LAYN: variants seen among roughly 807,000 people sequenced by gnomAD.
LAYN encodes layilin.
A neutral mutation model predicts 43.6 loss-of-function variants in LAYN; 38 were observed. The observed-to-expected ratio is 0.87, with a 90% CI of 0.67 to 1.14. The LOEUF is 1.14. Among genes scored for constraint, LAYN ranks in the 50% most tolerant of loss-of-function variants. The pLI is 0.00. For missense variants in LAYN, 479 were observed against 463.8 expected, an observed-to-expected ratio of 1.03 and a Z score of -0.30; for synonymous variants, 168 against 172.9, an observed-to-expected ratio of 0.97 and a Z score of 0.22.
upstream of LAYN, chr11:111,540,650 C>A (rs1343667125): frequency 2.0e-5 from 11 of 541,440 alleles, no homozygotes; most frequent in Non-Finnish European, 3.5e-5. Flanking sequence ...GCGGGGCTGC[C>A]CTCCTCGCAG....
At chr11:111,552,652 A>C (rs1867764285) in intron 3 of LAYN, among the ~76,000 whole-genome samples, 1 of 152,246 alleles carries the variant, frequency 6.6e-6, no homozygotes, top group Non-Finnish European at 1.5e-5. Context: ...GAAATGCTGC[A>C]ATGATGTGCC....
At position 111,555,265 on chromosome 11, in the gene LAYN, CA is replaced by C; in HGVS notation, c.640del (p.Thr214HisfsTer10). 1 of 1,612,880 alleles carries C rather than the reference CA, an allele frequency of 6.2e-7. No individual in the cohort carries two copies. Among genetic ancestry groups the C allele is most frequent in the South Asian group, 1.1e-5 (1 of 90,996 alleles). On this transcript the variant is annotated frameshift_variant, in exon 5 of 7. Transcript: ENST00000375614. LOFTEE classifies it high-confidence loss of function. ...LPEETQEEDAKKTFKESREAA... is the reference protein window; with the variant it reads ...LPEETQEEDAXKTFKESREAA... ...CAGAAGAAACACAGGAAGAAGATGC[CA>C]AAAAAACATTTAAAGAAAGTAGAGG...
chr11:111,554,490 C>T (rs1211188016), intron 3 of LAYN, 71 bp from the exon 4 acceptor site: 5 of 1,146,128 alleles, frequency 4.4e-6, no homozygotes, highest in Non-Finnish European at 6.5e-6. Flanking sequence ...TGCCATGAGG[C>T]TGTGGTTGAT....
intron 3 of LAYN, among the ~76,000 whole-genome samples, chr11:111,552,482 T>C (rs1867761222): frequency 6.6e-6 from 1 of 152,218 alleles, no homozygotes; most frequent in Non-Finnish European, 1.5e-5. Context: ...AATGATAATA[T>C]GTAAAACTAG....
chr11:111,557,921 C>T (rs1267333242), intron 6 of LAYN, among the ~76,000 whole-genome samples: 2 of 152,220 alleles, frequency 1.3e-5, no homozygotes, highest in Admixed American at 1.3e-4. Flanking sequence ...CCCGTGCACT[C>T]ACACGTCACC....
intron 3 of LAYN, among the ~76,000 whole-genome samples, chr11:111,553,356 G>A (rs1591568917): frequency 6.6e-6 from 1 of 152,148 alleles, no homozygotes; most frequent in East Asian, 1.9e-4. Context: ...GCTCACGCCT[G>A]TAATCCCAGC....
intron 3 of LAYN, among the ~76,000 whole-genome samples, chr11:111,550,178 A>G (rs1450411423): frequency 1.3e-5 from 2 of 152,142 alleles, no homozygotes; most frequent in African/African-American, 4.8e-5. Flanking sequence ...CAGTGAGATT[A>G]TTTTCTGGGG....
chr11:111,543,833 C>T, intron 1 of LAYN, 90 bp from the exon 2 acceptor site: 2 of 1,318,258 alleles, frequency 1.5e-6, no homozygotes, highest in Non-Finnish European at 2.1e-6. Flanking sequence ...AATTCCTACC[C>T]AGGGATACCT....
intron 3 of LAYN, among the ~76,000 whole-genome samples, chr11:111,550,793 A>G (rs1867728914): frequency 6.6e-6 from 1 of 152,166 alleles, no homozygotes; most frequent in South Asian, 2.1e-4. Context: ...CTGGCTTTCC[A>G]TCACTTTTGT....
At chr11:111,550,623 A>T (rs2135797436) in intron 3 of LAYN, among the ~76,000 whole-genome samples, 1 of 152,262 alleles carries the variant, frequency 6.6e-6, no homozygotes, top group East Asian at 1.9e-4. Context: ...CTGCTAAAAG[A>T]TGTTTTTCTC....
At chr11:111,556,189 G>A (rs1222666841) in intron 5 of LAYN, among the ~76,000 whole-genome samples, 2 of 152,098 alleles carry the variant, frequency 1.3e-5, no homozygotes, top group African/African-American at 4.8e-5. Flanking sequence ...TGATTGTATG[G>A]GATACAAATC....
chr11:111,541,716 C>T (rs1867543695), intron 1 of LAYN: 1 of 781,914 alleles, frequency 1.3e-6, no homozygotes, highest in Non-Finnish European at 2.2e-6. Flanking sequence ...GACTGGGAAC[C>T]TCCTCTACTC....
At chr11:111,548,432 G>A (rs1324638336) in intron 2 of LAYN, among the ~76,000 whole-genome samples, 1 of 152,194 alleles carries the variant, frequency 6.6e-6, no homozygotes, top group African/African-American at 2.4e-5. Flanking sequence ...AAAGCCATAA[G>A]GCCAGTGGGG....
intron 3 of LAYN, among the ~76,000 whole-genome samples, chr11:111,554,286 C>T (rs1384099639): frequency 6.6e-6 from 1 of 152,136 alleles, no homozygotes; most frequent in African/African-American, 2.4e-5. Context: ...AGTTTTTCTA[C>T]TTTTTTGTAT....
In LAYN at chr11:111,560,083, C is replaced by T; in HGVS notation, c.762-12C>T. 3 of 1,591,226 alleles carry T rather than the reference C, an allele frequency of 1.9e-6. No individual in the cohort carries two copies. The highest frequency in any genetic ancestry group is 2.6e-6 in the Non-Finnish European group (3 of 1,168,998). On this transcript the variant is annotated splice_polypyrimidine_tract_variant and intron_variant, in intron 6 of 6. Coordinates refer to ENST00000375614, the MANE Select transcript of LAYN (RefSeq NM_178834.5). Reference sequence around the variant, plus strand: ...GTCTAAAACACTCAGCCCTGGTTTTCTTTCTTCCTAGAAAACGGGAGCAGC... The same window carrying T: ...GTCTAAAACACTCAGCCCTGGTTTTTTTTCTTCCTAGAAAACGGGAGCAGC...
upstream of LAYN, chr11:111,540,665 G>T (rs1383821174): frequency 2.5e-5 from 14 of 566,074 alleles, no homozygotes; most frequent in Non-Finnish European, 3.8e-5. Flanking sequence ...TCGCAGTGAC[G>T]TCCCAGGGGG....
intron 2 of LAYN, among the ~76,000 whole-genome samples, chr11:111,548,854 G>A (rs1417590533): frequency 2.0e-5 from 3 of 152,148 alleles, no homozygotes; most frequent in African/African-American, 7.2e-5. Context: ...AGATGTAAAC[G>A]CTCCATAAGA....
At chr11:111,556,071 A>G (rs1867834631) in intron 5 of LAYN, among the ~76,000 whole-genome samples, 1 of 152,116 alleles carries the variant, frequency 6.6e-6, no homozygotes, top group Admixed American at 6.5e-5. Flanking sequence ...TGCATTTCTG[A>G]CCAATTGGCT....
chr11:111,554,530 T>A (rs746656972), intron 3 of LAYN, 31 bp from the exon 4 acceptor site: 2 of 1,576,294 alleles, frequency 1.3e-6, no homozygotes, highest in Non-Finnish European at 1.7e-6. Context: ...AACTTACTAC[T>A]TATTTTTGTT....
Sources: allele counts gnomAD v4.1 joint callset (sites outside exome capture counted in the v4.1 genomes callset), GRCh38; gene constraint gnomAD v4.1.1; transcripts MANE v1.5; gene names NCBI Gene and HGNC (gene_info 2026-07-23, HGNC 2026-07-21).